RASAL2: variants seen among roughly 807,000 people sequenced by gnomAD.
RASAL2 encodes the protein ras GTPase-activating protein nGAP.
RASAL2 carries 58 observed loss-of-function variants against 128.9 expected under a neutral mutation model. That is an observed-to-expected ratio of 0.45 (90% CI 0.36 to 0.56). The LOEUF (loss-of-function observed/expected upper bound fraction) is 0.56, where lower values mean the gene tolerates loss of function less well. Among genes scored for constraint, RASAL2 ranks in the 20% least tolerant of loss-of-function variants. The pLI is 0.00. For synonymous variants in RASAL2, 561 were observed against 580.8 expected (o/e 0.97, Z 0.49); for missense variants, 1,360 against 1,601.6 (o/e 0.85, Z 2.57).
At chr1:178,414,756 G>T (rs1674643048) in intron 4 of RASAL2, among the ~76,000 whole-genome samples, 1 of 152,052 alleles carries the variant, frequency 6.6e-6, no homozygotes, top group Non-Finnish European at 1.5e-5. Flanking sequence ...GTTTTGTAAG[G>T]TTATTAATTA....
Position 178,390,118 on chromosome 1 carries a change from C to T in RASAL2, c.476C>T (p.Ser159Phe). Residue 159 changes from serine (S) to phenylalanine (F), a missense_variant, in exon 4 of 18, where the codon TCC becomes TTC. By Grantham distance (155) the Ser-to-Phe change is radical. This residue lies in a region of RASAL2 where 617 missense variants were observed against 714.2 expected (regional missense o/e 0.86). Coordinates refer to ENST00000367649, the MANE Select transcript of RASAL2 (RefSeq NM_170692.4). ...ATKLEVPAER[S>F]PRRRSISGTS... ...TTTCCAGAGGTACCAGCAGAAAGGT[C>T]CCCTCGTAGACGGAGTATCTCAGGG... 3 of 1,607,568 alleles carry T rather than the reference C, an allele frequency of 1.9e-6. No individual in the cohort carries two copies. Among genetic ancestry groups the T allele is most frequent in the Non-Finnish European group, 2.5e-6 (3 of 1,177,638 alleles).
intron 1 of RASAL2, among the ~76,000 whole-genome samples, chr1:178,097,853 A>G (rs1391826822): frequency 6.6e-6 from 1 of 152,186 alleles, no homozygotes; most frequent in Non-Finnish European, 1.5e-5. Flanking sequence ...TAATACATAT[A>G]TATTGTGTAC....
intron 3 of RASAL2, among the ~76,000 whole-genome samples, chr1:178,310,141 G>A (rs141607371): frequency 6.6e-6 from 1 of 152,224 alleles, no homozygotes; most frequent in Non-Finnish European, 1.5e-5. Context: ...TTTTCAAGAT[G>A]CTAGAATCTT....
At chr1:178,410,389 C>T (rs1413710408) in intron 4 of RASAL2, among the ~76,000 whole-genome samples, 1 of 152,056 alleles carries the variant, frequency 6.6e-6, no homozygotes, top group Non-Finnish European at 1.5e-5. Context: ...GGATCAAAGA[C>T]TTACATCTAA....
At chr1:178,294,625 A>G (rs1355149398) in intron 2 of RASAL2, among the ~76,000 whole-genome samples, 1 of 152,178 alleles carries the variant, frequency 6.6e-6, no homozygotes, top group African/African-American at 2.4e-5. Context: ...CTGTCCATCT[A>G]TCGATCAATC....
rs115020226 is a variant in RASAL2, at chr1:178,284,369, C to T, written c.330+678C>T. On this transcript the variant is annotated intron_variant, in intron 2 of 17. Transcript: ENST00000367649. Reference sequence around the variant, plus strand: ...GCCTTCTGATTTCTTGCCAGTGTCACCTACTGGCCAAATCTAACTCGAAGG... The same window carrying T: ...GCCTTCTGATTTCTTGCCAGTGTCATCTACTGGCCAAATCTAACTCGAAGG... Among the ~76,000 whole-genome samples the T allele has an allele frequency of 8.7e-3, 1,325 of 152,298 alleles. 14 individuals carry two copies. Among genetic ancestry groups the T allele is most frequent in the Non-Finnish European group, 0.013 (898 of 68,020 alleles).
intron 1 of RASAL2, among the ~76,000 whole-genome samples, chr1:178,204,051 A>T (rs529464568): frequency 6.6e-6 from 1 of 152,344 alleles, no homozygotes; most frequent in East Asian, 1.9e-4. Flanking sequence ...TACCAGCTAC[A>T]ACCATGTGGC....
chr1:178,443,341 A>G, intron 8 of RASAL2, 112 bp downstream of exon 8: 2 of 993,022 alleles, frequency 2.0e-6, no homozygotes, highest in South Asian at 4.1e-5. Context: ...ACTATTGGTC[A>G]AAACAAGAAG....
In RASAL2 at chr1:178,359,396, T is replaced by C. The variant is rs544054365; in HGVS notation, c.458-30704T>C. Among the ~76,000 whole-genome samples, 5 of 152,270 alleles carry C rather than the reference T, an allele frequency of 3.3e-5. No individual in the cohort carries two copies. In the South Asian group the frequency reaches 1.0e-3, roughly 32 times the overall value. ...ATTCATTTCTCCCAAGTCACAAAAG[T>C]AAAGCCAGGAAACTTAAATATAGCA... On this transcript the variant is annotated intron_variant, in intron 3 of 17. Transcript: ENST00000367649.
chr1:178,130,899 A>G (rs1299132354), intron 1 of RASAL2, among the ~76,000 whole-genome samples: 16 of 152,020 alleles, frequency 1.1e-4, no homozygotes, highest in African/African-American at 2.4e-5. Flanking sequence ...CTAAAAATAC[A>G]AAAAATTAGC....
At chr1:178,437,196 A>G (rs1425290149) in intron 5 of RASAL2, among the ~76,000 whole-genome samples, 1 of 152,128 alleles carries the variant, frequency 6.6e-6, no homozygotes, top group Non-Finnish European at 1.5e-5. Flanking sequence ...TACCTATCCT[A>G]CAAATTGTTT....
intron 1 of RASAL2, among the ~76,000 whole-genome samples, chr1:178,234,777 C>T (rs980221612): frequency 3.3e-5 from 5 of 151,976 alleles, no homozygotes; most frequent in African/African-American, 1.2e-4. Context: ...GGAGATTGAA[C>T]GTATCATCAA....
At chr1:178,283,055 C>T (rs768766313) in intron 1 of RASAL2, among the ~76,000 whole-genome samples, 1 of 152,100 alleles carries the variant, frequency 6.6e-6, no homozygotes, top group African/African-American at 2.4e-5. Flanking sequence ...ATCTTGCTGG[C>T]CTCTAGTGGT....
intron 5 of RASAL2, among the ~76,000 whole-genome samples, chr1:178,423,566 T>C (rs1675301473): frequency 6.6e-6 from 1 of 152,104 alleles, no homozygotes; most frequent in African/African-American, 2.4e-5. Flanking sequence ...ATTTTGAAGA[T>C]GAGAAAACTG....
intron 15 of RASAL2, 97 bp downstream of exon 15, chr1:178,464,509 C>T: frequency 1.4e-6 from 2 of 1,403,196 alleles, no homozygotes; most frequent in Admixed American, 1.9e-5. Context: ...CCACCCCCAT[C>T]TTCACCTCTA....
intron 1 of RASAL2, among the ~76,000 whole-genome samples, chr1:178,274,409 G>T (rs1021109405): frequency 4.6e-5 from 7 of 152,108 alleles, no homozygotes; most frequent in Middle Eastern, 3.2e-3. Flanking sequence ...TATAGGGAGA[G>T]ATACTAAATA....
At chr1:178,337,502 A>G (rs1051923678) in intron 3 of RASAL2, among the ~76,000 whole-genome samples, 1 of 152,178 alleles carries the variant, frequency 6.6e-6, no homozygotes, top group Non-Finnish European at 1.5e-5. Flanking sequence ...TTTTATGGGT[A>G]AACATGAAAA....
intron 3 of RASAL2, among the ~76,000 whole-genome samples, chr1:178,372,531 G>A (rs983120039): frequency 1.3e-5 from 2 of 152,140 alleles, no homozygotes; most frequent in Non-Finnish European, 2.9e-5. Flanking sequence ...ATAAGAGAGA[G>A]ATTGCTTTGC....
intron 3 of RASAL2, among the ~76,000 whole-genome samples, chr1:178,345,641 GAAGGTAAGATGTCTGGGTCCCTACT>G (rs1351623430): frequency 1.3e-5 from 2 of 152,146 alleles, no homozygotes; most frequent in African/African-American, 4.8e-5. Context: ...TCAGATCAGA[GAAGGTAAGATGTCTGGGTCCCTACT>G]TCAATCACTC....
Sources: gnomAD v4.1 joint callset for allele counts (sites outside exome capture counted in the v4.1 genomes callset) on GRCh38, gnomAD v4.1.1 for gene constraint, gnomAD v4.1.1 regional missense constraint, MANE v1.5 for transcripts, NCBI Gene and HGNC (gene_info 2026-07-23, HGNC 2026-07-21) for gene names.